The following GPHN variants were observed in gnomAD, a reference collection of about 807,000 sequenced individuals.
The protein encoded by GPHN is gephyrin.
A neutral mutation model predicts 95.5 loss-of-function variants in GPHN; 17 were observed. The ratio of observed to expected loss-of-function variants is 0.18; its 90% CI spans 0.12 to 0.27. The LOEUF is 0.27. GPHN is among the 10% of genes least tolerant of loss of function. The pLI is 1.00. For synonymous variants in GPHN, 320 were observed against 322.5 expected (o/e 0.99, Z 0.08); for missense variants, 660 against 978.1 (o/e 0.67, Z 4.34).
In GPHN at chr14:66,626,776, A is replaced by G. The variant is rs79812100; in HGVS notation, c.65-54331A>G. Among the ~76,000 whole-genome samples, 555 of 152,200 alleles carry G rather than the reference A, an allele frequency of 3.6e-3. 12 individuals carry two copies. Among genetic ancestry groups the G allele is most frequent in the African/African-American group, 0.013 (529 of 41,560 alleles). On this transcript the variant is annotated intron_variant, in intron 1 of 22. Transcript: ENST00000478722. The stretch of plus-strand genomic sequence containing the variant: ...AGATAGCATATGAGTAGAATGATAG[A>G]TAATTCAATTTGAGGTACTTGTAAC...
the GPHN span, among the ~76,000 whole-genome samples, chr14:67,285,366 A>G: frequency 7.3e-6 from 1 of 137,854 alleles, no homozygotes; most frequent in Non-Finnish European, 1.6e-5. Flanking sequence ...CCTTAGGTAA[A>G]TTTTTTTTTT....
intron 1 of GPHN, among the ~76,000 whole-genome samples, chr14:66,657,227 A>G (rs575072848): frequency 3.9e-5 from 6 of 152,264 alleles, no homozygotes; most frequent in Non-Finnish European, 7.3e-5. Flanking sequence ...AATTCTCTTC[A>G]GCCCTACAAA....
the GPHN span, among the ~76,000 whole-genome samples, chr14:67,249,558 A>G: frequency 6.6e-6 from 1 of 152,244 alleles, no homozygotes; most frequent in Admixed American, 6.5e-5. Flanking sequence ...GAAATAATTA[A>G]GGAGAGTCAG....
At chr14:67,109,133 CAA>C (rs1473830888) in intron 13 of GPHN, among the ~76,000 whole-genome samples, 1 of 152,022 alleles carries the variant, frequency 6.6e-6, no homozygotes, top group African/African-American at 2.4e-5. Flanking sequence ...TTTATCAAAA[CAA>C]AAAGTACAGT....
At chr14:67,446,923 T>C in the GPHN span, among the ~76,000 whole-genome samples, 2 of 152,140 alleles carry the variant, frequency 1.3e-5, no homozygotes, top group Non-Finnish European at 2.9e-5. Context: ...AGGCTCTCTA[T>C]GGCTGCTTTT....
At chr14:67,096,048 T>A (rs953488832) in intron 12 of GPHN, among the ~76,000 whole-genome samples, 3 of 146,794 alleles carry the variant, frequency 2.0e-5, no homozygotes, top group Non-Finnish European at 4.5e-5. Context: ...ATTCACAAGA[T>A]CTCGAGATGA....
At chr14:67,578,826 C>T in the GPHN span, among the ~76,000 whole-genome samples, 21 of 151,760 alleles carry the variant, frequency 1.4e-4, no homozygotes, top group East Asian at 1.2e-3. This position sits in a 1 kb window ranked among gnomAD's most constrained non-coding sequence, Gnocchi z 5.0. Context: ...CTTCTCTGCA[C>T]GCCAATCCAT....
the GPHN span, among the ~76,000 whole-genome samples, chr14:67,232,017 AT>A: frequency 6.6e-6 from 1 of 152,028 alleles, no homozygotes; most frequent in African/African-American, 2.4e-5. Context: ...TATAGTACTT[AT>A]CACACATTAG....
the GPHN span, among the ~76,000 whole-genome samples, chr14:67,712,493 CAAAAAAAA>C: frequency 1.2e-3 from 46 of 38,948 alleles, no homozygotes; most frequent in Admixed American, 1.5e-3. Flanking sequence ...AAAAAACTTG[CAAAAAAAA>C]AAAAAAAAAA....
intron 2 of GPHN, among the ~76,000 whole-genome samples, chr14:66,723,753 C>A (rs2070970983): frequency 6.6e-6 from 1 of 152,094 alleles, no homozygotes; most frequent in Non-Finnish European, 1.5e-5. Context: ...ACAACTCTGA[C>A]AACATTCCTG....
At chr14:67,124,841 A>T (rs2079206596) in intron 17 of GPHN, among the ~76,000 whole-genome samples, 1 of 151,908 alleles carries the variant, frequency 6.6e-6, no homozygotes, top group South Asian at 2.1e-4. Context: ...GTTACTTAAT[A>T]TACTGTATAT....
chr14:67,614,091 A>C, the GPHN span, among the ~76,000 whole-genome samples: 1 of 151,948 alleles, frequency 6.6e-6, no homozygotes, highest in Non-Finnish European at 1.5e-5. Flanking sequence ...ACACACCACC[A>C]CACCCAGCTA....
At chr14:66,585,147 T>G (rs1165983450) in intron 1 of GPHN, among the ~76,000 whole-genome samples, 2 of 152,198 alleles carry the variant, frequency 1.3e-5, no homozygotes, top group African/African-American at 4.8e-5. Context: ...ATTTATCCAT[T>G]TCTTCTAGAT....
At chr14:66,681,767 A>AT (rs1209340432) in intron 2 of GPHN, among the ~76,000 whole-genome samples, 6 of 151,900 alleles carry the variant, frequency 3.9e-5, no homozygotes, top group African/African-American at 1.2e-4. Context: ...CTATTTCATA[A>AT]ATTTTTTTTA....
At chr14:67,500,772 C>T in the GPHN span, among the ~76,000 whole-genome samples, 1 of 151,610 alleles carries the variant, frequency 6.6e-6, no homozygotes, top group African/African-American at 2.4e-5. Context: ...GGGGTTTCAC[C>T]GTGTTAGCCA....
At chr14:67,351,671 G>A in the GPHN span, among the ~76,000 whole-genome samples, 2 of 151,856 alleles carry the variant, frequency 1.3e-5, no homozygotes, top group African/African-American at 4.8e-5. Flanking sequence ...ACCACACTCT[G>A]CTAATTTTCT....
At chr14:66,909,391 A>G (rs1176194448) in intron 5 of GPHN, among the ~76,000 whole-genome samples, 2 of 152,104 alleles carry the variant, frequency 1.3e-5, no homozygotes, top group Non-Finnish European at 2.9e-5. Flanking sequence ...ATGTAGGTGA[A>G]TATTCATTGT....
intron 1 of GPHN, among the ~76,000 whole-genome samples, chr14:66,565,936 A>G (rs372847291): frequency 1.4e-4 from 21 of 151,212 alleles, no homozygotes; most frequent in Admixed American, 9.9e-4. Context: ...AAGAAACAAT[A>G]TAAGAGCAAA....
chr14:67,090,528 C>T (rs1268213146), intron 12 of GPHN, among the ~76,000 whole-genome samples: 1 of 151,994 alleles, frequency 6.6e-6, no homozygotes, highest in Non-Finnish European at 1.5e-5. Flanking sequence ...ACTTGGGTCC[C>T]ATCCACAAGA....
Sources: allele counts gnomAD v4.1 joint callset (sites outside exome capture counted in the v4.1 genomes callset), GRCh38; gene constraint gnomAD v4.1.1; non-coding constraint Gnocchi (gnomAD v3.1); transcripts MANE v1.5; gene names NCBI Gene and HGNC (gene_info 2026-07-23, HGNC 2026-07-21).